The following CACHD1 variants were observed in gnomAD, a reference collection of about 807,000 sequenced individuals.
CACHD1 encodes VWFA and cache domain-containing protein 1.
Under a neutral mutation model 138.7 loss-of-function variants are expected in CACHD1, and 71 were observed. That is an observed-to-expected ratio of 0.51 (90% CI 0.42 to 0.62). The LOEUF is 0.62. Among genes scored for constraint, CACHD1 ranks in the 20% least tolerant of loss-of-function variants. The probability of loss-of-function intolerance (pLI) is 0.00; values close to 1 mark genes in which losing one functional copy is unlikely to be tolerated. For missense variants in CACHD1, 1,389 were observed against 1,625.3 expected (o/e 0.85, Z 2.50); for synonymous variants, 578 against 591.5 (o/e 0.98, Z 0.33).
chr1:64,509,861 C>T (rs1257436625), intron 1 of CACHD1, among the ~76,000 whole-genome samples: 1 of 152,144 alleles, frequency 6.6e-6, no homozygotes, highest in Non-Finnish European at 1.5e-5. Flanking sequence ...TGTATTTTGT[C>T]TTGCACGATT....
In CACHD1 at chr1:64,673,298, C is replaced by T. The variant is rs1649879556; in HGVS notation, c.2610+41C>T. 3 of 1,611,494 alleles carry T rather than the reference C, an allele frequency of 1.9e-6. No homozygotes were observed. In the African/African-American group the frequency reaches 4.0e-5, roughly 21 times the overall value. On this transcript the variant is annotated intron_variant, in intron 18 of 26. Transcript: ENST00000651257. ...CTGAGCTGCTCAGTTCTCCAACCTCCTGCAGCTCACTACATGGCATATGTC... is the reference window on the plus strand; with the variant it reads ...CTGAGCTGCTCAGTTCTCCAACCTCTTGCAGCTCACTACATGGCATATGTC...
At chr1:64,477,728 G>A (rs1020600606) in intron 1 of CACHD1, among the ~76,000 whole-genome samples, 5 of 150,994 alleles carry the variant, frequency 3.3e-5, no homozygotes, top group African/African-American at 1.2e-4. Context: ...TCTGCTTCCC[G>A]GGTTCATGCC....
chr1:64,667,664 T>A lies in CACHD1; in HGVS notation c.2387+1497T>A, dbSNP rs571011055. ...GGGTTGAGAAAAAGTAAACAAAGAC[T>A]GTTTCTTTTGAGGGGAAGCAGTCAC... On this transcript the variant is annotated intron_variant, in intron 16 of 26. Transcript: ENST00000651257. Among the ~76,000 whole-genome samples, 17 of 152,256 alleles carry A rather than the reference T, an allele frequency of 1.1e-4. No individual in the cohort carries two copies. The East Asian group carries it at 3.3e-3, about 29-fold the overall frequency.
At chr1:64,542,988 A>AACACACACAC (rs111903627) in intron 1 of CACHD1, among the ~76,000 whole-genome samples, 4 of 147,970 alleles carry the variant, frequency 2.7e-5, no homozygotes, top group African/African-American at 9.8e-5. Context: ...CACACACATC[A>AACACACACAC]ACACACACAC....
chr1:64,624,641 G>A (rs1326594082), intron 4 of CACHD1, among the ~76,000 whole-genome samples: 2 of 152,152 alleles, frequency 1.3e-5, no homozygotes. Flanking sequence ...CAGGCATTGT[G>A]GTCACAGACT....
chr1:64,509,614 G>A (rs1646403661), intron 1 of CACHD1, among the ~76,000 whole-genome samples: 3 of 152,264 alleles, frequency 2.0e-5, no homozygotes, highest in African/African-American at 7.2e-5. Flanking sequence ...GCCCTAGGGT[G>A]CTTTTTAAAG....
intron 2 of CACHD1, among the ~76,000 whole-genome samples, chr1:64,569,121 A>G (rs1383420201): frequency 2.0e-5 from 3 of 151,880 alleles, no homozygotes; most frequent in African/African-American, 4.8e-5. Context: ...GGGTCTCTCC[A>G]TGTTGGTCAT....
chr1:64,663,827 C>T lies in CACHD1; in HGVS notation c.2084C>T (p.Pro695Leu), dbSNP rs767224850. Residue 695 changes from proline (P) to leucine (L), a missense_variant, in exon 14 of 27, where the codon CCG becomes CTG. Around this residue, in one of 5 missense-constraint regions of CACHD1, gnomAD observed 1,000 missense variants for 1,114.7 expected, o/e 0.90. Transcript: ENST00000651257. ...LSDNTRLIANPGLKFSVRNEV... is the reference protein window; with the variant it reads ...LSDNTRLIANLGLKFSVRNEV... Reference sequence around the variant, plus strand: ...GACAACACCCGCCTCATTGCTAACCCGGGCCTCAAAGTAAGCATTGGCGCA... The same window carrying T: ...GACAACACCCGCCTCATTGCTAACCTGGGCCTCAAAGTAAGCATTGGCGCA... 1.7e-5 allele frequency: 28 copies of T among 1,613,990 alleles called. No homozygotes were observed. Among genetic ancestry groups the T allele is most frequent in the East Asian group, 2.2e-5 (1 of 44,878 alleles).
rs116425050 is a variant in CACHD1, at chr1:64,509,337, C to T, written c.198+38395C>T. ...CTTGTTAATAACAAGTTCACTGGGC[C>T]TCAGCTCTGCCCAGGAGGGACTAAT... On this transcript the variant is annotated intron_variant, in intron 1 of 26. Transcript: ENST00000651257. Among the ~76,000 whole-genome samples the T allele has an allele frequency of 4.8e-3, 733 of 152,264 alleles. 6 individuals carry two copies. The highest frequency in any genetic ancestry group is 0.017 in the African/African-American group (707 of 41,562).
chr1:64,664,619 TC>T lies in CACHD1; in HGVS notation c.2218del (p.Leu740SerfsTer25). Reference sequence around the variant, plus strand: ...CGTTACATAGCAACACCCAATGGCGTCCTCAGAATTTATCCTGGTTCCCTCA... The same window carrying T: ...CGTTACATAGCAACACCCAATGGCGTCTCAGAATTTATCCTGGTTCCCTCA... ...VRRYIATPNG[V>X]LRIYPGSLMD... On this transcript the variant is annotated frameshift_variant, in exon 15 of 27. Transcript: ENST00000651257. LOFTEE classifies it high-confidence loss of function. The T allele has an allele frequency of 6.2e-7, 1 of 1,614,140 alleles. No homozygotes were observed. Among genetic ancestry groups the T allele is most frequent in the Non-Finnish European group, 8.5e-7 (1 of 1,180,012 alleles).
Position 64,653,774 on chromosome 1 carries a change from C to T in CACHD1, c.1557C>T (p.His519=), listed in dbSNP as rs558508114. The T allele has an allele frequency of 2.5e-6, 4 of 1,613,188 alleles. No individual in the cohort carries two copies. The highest frequency in any genetic ancestry group is 2.2e-5 in the East Asian group (1 of 44,850). Residue 519 remains histidine, a synonymous_variant, in exon 11 of 27, where the codon CAC becomes CAT. Transcript: ENST00000651257. The stretch of plus-strand genomic sequence containing the variant: ...TTATTGCAGGATATACACTTATGCA[C>T]CCATCTCTTACCAGGCCATATTTAT... ...LIDDKGYTLM[H]PSLTRPYLLS...
In CACHD1 at chr1:64,678,253, T is replaced by C; in HGVS notation, c.3187T>C (p.Cys1063Arg). 6.2e-7 allele frequency: 1 copy of C among 1,609,470 alleles called. No individual in the cohort carries two copies. Residue 1063 changes from cysteine (C) to arginine (R), a missense_variant, in exon 23 of 27, where the codon TGC (cysteine) becomes CGC (arginine). Cys to Arg is a radical substitution (Grantham distance 180). Around this residue, in one of 5 missense-constraint regions of CACHD1, gnomAD observed 250 missense variants for 292.9 expected, o/e 0.85. Coordinates refer to ENST00000651257, the MANE Select transcript of CACHD1 (RefSeq NM_020925.4). ...DKPYCAPQKE[C>R]FGGIVGAKSP... ...ACCCTACTGTGCCCCCCAGAAAGAA[T>C]GCTTCGGGGGGATTGTGGGAGCCAA...
At chr1:64,603,099 C>CTTTTTTTTTTT (rs34372401) in intron 4 of CACHD1, among the ~76,000 whole-genome samples, 187 bp downstream of exon 4, 1 of 64,896 alleles carries the variant, frequency 1.5e-5, no homozygotes, top group African/African-American at 5.0e-5. Context: ...AAGCTTACAT[C>CTTTTTTTTTTT]TTTTTTTTTT....
rs537614888 is a variant in CACHD1, at chr1:64,551,979, A to C, written c.261+1323A>C. On this transcript the variant is annotated intron_variant, in intron 2 of 26. Transcript: ENST00000651257. ...TCTTTATGGTCGTGAAATTTAAGAGATTTTTTGTGGGCGAAGATTTCTGAA... is the reference window on the plus strand; with the variant it reads ...TCTTTATGGTCGTGAAATTTAAGAGCTTTTTTGTGGGCGAAGATTTCTGAA... 5.3e-5 allele frequency among the ~76,000 whole-genome samples: 8 copies of C among 152,178 alleles called. No homozygotes were observed. The South Asian group carries it at 1.7e-3, about 32-fold the overall frequency.
intron 12 of CACHD1, among the ~76,000 whole-genome samples, chr1:64,656,177 A>G (rs181249972): frequency 2.6e-5 from 4 of 152,334 alleles, no homozygotes; most frequent in Non-Finnish European, 5.9e-5. Flanking sequence ...AATTACTAAA[A>G]TGCAAATGAA....
intron 9 of CACHD1, among the ~76,000 whole-genome samples, chr1:64,650,409 A>G (rs1384843199): frequency 6.6e-6 from 1 of 152,158 alleles, no homozygotes; most frequent in Admixed American, 6.5e-5. Context: ...CTTACAACCT[A>G]TTTATCCTGG....
At chr1:64,571,255 A>G (rs778318790) in intron 2 of CACHD1, among the ~76,000 whole-genome samples, 4 of 152,176 alleles carry the variant, frequency 2.6e-5, no homozygotes, top group African/African-American at 4.8e-5. Context: ...CCTTAGTTTT[A>G]AAAGGAATTT....
At chr1:64,609,450 G>A (rs115903044) in intron 4 of CACHD1, among the ~76,000 whole-genome samples, 2,441 of 152,116 alleles carry the variant, frequency 0.016, 60 homozygotes, top group African/African-American at 0.056. Flanking sequence ...GTTTATATTC[G>A]TATGTATGTG....
intron 1 of CACHD1, among the ~76,000 whole-genome samples, chr1:64,542,760 A>G (rs1460675407): frequency 6.6e-6 from 1 of 152,206 alleles, no homozygotes; most frequent in Non-Finnish European, 1.5e-5. Context: ...AGATAAATTT[A>G]GGAGTAAGAC....
Sources: gnomAD v4.1 joint callset for allele counts (sites outside exome capture counted in the v4.1 genomes callset) on GRCh38, gnomAD v4.1.1 for gene constraint, gnomAD v4.1.1 regional missense constraint, MANE v1.5 for transcripts, NCBI Gene and HGNC (gene_info 2026-07-23, HGNC 2026-07-21) for gene names.